RNGTT: variants seen among roughly 807,000 people sequenced by gnomAD.
The protein encoded by RNGTT is RNA guanylyltransferase and 5'-phosphatase, also known as mRNA-capping enzyme.
Under a neutral mutation model 79.3 loss-of-function variants are expected in RNGTT, and 33 were observed. That is an observed-to-expected ratio of 0.42 (90% CI 0.32 to 0.56). The LOEUF (loss-of-function observed/expected upper bound fraction) is 0.56, where lower values mean the gene tolerates loss of function less well. Among genes scored for constraint, RNGTT ranks in the 20% least tolerant of loss-of-function variants. The pLI, the probability that RNGTT is intolerant of heterozygous loss-of-function variation, is 0.17. For synonymous variants in RNGTT, 222 were observed against 235.9 expected (o/e 0.94, Z 0.54); for missense variants, 497 against 739.1 (o/e 0.67, Z 3.80).
intron 4 of RNGTT, among the ~76,000 whole-genome samples, chr6:88,911,699 C>T (rs979592709): frequency 1.3e-5 from 2 of 152,048 alleles, no homozygotes; most frequent in African/African-American, 4.8e-5. Context: ...TTCTTTGAAA[C>T]AAATGAAAGC....
chr6:88,902,224 C>T (rs1216009487), intron 6 of RNGTT, among the ~76,000 whole-genome samples: 2 of 151,668 alleles, frequency 1.3e-5, no homozygotes, highest in Admixed American at 6.6e-5. Context: ...AAGGTCTCAT[C>T]ATGGGGTTTA....
intron 8 of RNGTT, among the ~76,000 whole-genome samples, chr6:88,861,593 G>A (rs62428981): frequency 0.096 from 14,529 of 151,974 alleles, 892 homozygotes; most frequent in Middle Eastern, 0.21. Context: ...AAGAAAAAAC[G>A]TATTTCTCCT....
intron 11 of RNGTT, among the ~76,000 whole-genome samples, chr6:88,810,959 C>G (rs1472209094): frequency 6.6e-6 from 1 of 152,130 alleles, no homozygotes; most frequent in Non-Finnish European, 1.5e-5. Context: ...GCCAATGTGC[C>G]TAAATAATAC....
intron 1 of RNGTT, among the ~76,000 whole-genome samples, chr6:88,956,926 A>C (rs1785451867): frequency 6.6e-6 from 1 of 152,088 alleles, no homozygotes; most frequent in Non-Finnish European, 1.5e-5. Context: ...CCAGCTACTC[A>C]GGAGGCTGAG....
At chr6:88,921,567 C>A (rs1784166406) in intron 4 of RNGTT, among the ~76,000 whole-genome samples, 1 of 152,026 alleles carries the variant, frequency 6.6e-6, no homozygotes, top group Admixed American at 6.6e-5. Flanking sequence ...TTTTACCATA[C>A]TGTTAGCTTC....
chr6:88,894,528 C>T (rs138455629), intron 6 of RNGTT, among the ~76,000 whole-genome samples: 1 of 152,268 alleles, frequency 6.6e-6, no homozygotes, highest in African/African-American at 2.4e-5. Context: ...TTGTAGCTTC[C>T]TCTGCCCCAT....
In RNGTT at chr6:88,714,688, C is replaced by T. The variant is rs1468211382; in HGVS notation, c.1440-36269G>A. On this transcript the variant is annotated intron_variant, in intron 13 of 15. Transcript: ENST00000369485. ...CGATCTCCTGACCTCGTGATCCGCC[C>T]GCCTCGGCCTCCCAAAGTGCTGGGA... Among the ~76,000 whole-genome samples the T allele has an allele frequency of 4.5e-5, 4 of 89,838 alleles. 2 individuals carry two copies. The highest frequency in any genetic ancestry group is 3.4e-4 in the African/African-American group (2 of 5,848). The allele number at this position is 89,838 out of a possible 152,430, so 58.9% of individuals were successfully genotyped here. A position where few individuals can be genotyped will look rare whatever the true frequency, so the allele number is the denominator to read the frequency against.
intron 14 of RNGTT, among the ~76,000 whole-genome samples, chr6:88,648,040 G>C (rs1040739845): frequency 1.3e-5 from 2 of 152,130 alleles, no homozygotes; most frequent in African/African-American, 4.8e-5. Context: ...AGCTCAACTT[G>C]AGCAGTAACA....
chr6:88,736,883 T>C (rs1777305986), intron 13 of RNGTT, among the ~76,000 whole-genome samples: 1 of 152,138 alleles, frequency 6.6e-6, no homozygotes, highest in African/African-American at 2.4e-5. Flanking sequence ...CCAAATGTGA[T>C]TTAGAGATCA....
At chr6:88,654,414 C>T (rs1773903764) in intron 14 of RNGTT, among the ~76,000 whole-genome samples, 1 of 152,124 alleles carries the variant, frequency 6.6e-6, no homozygotes. Flanking sequence ...ATTTTTTCAT[C>T]TAAGGAAGAT....
chr6:88,798,427 T>C (rs1401403930), intron 12 of RNGTT, among the ~76,000 whole-genome samples: 1 of 150,442 alleles, frequency 6.6e-6, no homozygotes, highest in Non-Finnish European at 1.5e-5. Flanking sequence ...TTTGTGCCAC[T>C]GCACACCAGC....
chr6:88,880,156 A>G (rs1782650005), intron 8 of RNGTT, among the ~76,000 whole-genome samples: 1 of 151,436 alleles, frequency 6.6e-6, no homozygotes, highest in Non-Finnish European at 1.5e-5. Context: ...CTAGGGGTAA[A>G]TAAGTTTCCA....
chr6:88,615,845 A>T (rs890714338), intron 14 of RNGTT, among the ~76,000 whole-genome samples: 1 of 152,234 alleles, frequency 6.6e-6, no homozygotes, highest in African/African-American at 2.4e-5. Context: ...AAATTAGGCA[A>T]TGAAACATTG....
chr6:88,817,094 C>T (rs1780336209), intron 11 of RNGTT, among the ~76,000 whole-genome samples: 1 of 152,124 alleles, frequency 6.6e-6, no homozygotes, highest in Non-Finnish European at 1.5e-5. Context: ...ACAACGGTGG[C>T]ACCTTGTACA....
chr6:88,801,319 A>T (rs1299314021), intron 12 of RNGTT, among the ~76,000 whole-genome samples: 1 of 152,224 alleles, frequency 6.6e-6, no homozygotes, highest in Non-Finnish European at 1.5e-5. Context: ...ACGACCAAAA[A>T]TGCTTATTTC....
At chr6:88,752,113 A>G (rs1460388671) in intron 13 of RNGTT, among the ~76,000 whole-genome samples, 2 of 152,086 alleles carry the variant, frequency 1.3e-5, no homozygotes, top group African/African-American at 4.8e-5. Context: ...AGCTTTCTTC[A>G]TTTTATAATA....
At chr6:88,806,454 T>A (rs550398590) in intron 11 of RNGTT, among the ~76,000 whole-genome samples, 6 of 151,490 alleles carry the variant, frequency 4.0e-5, no homozygotes, top group Non-Finnish European at 8.8e-5. Flanking sequence ...AGTAGCTAGA[T>A]TACAGGCGCG....
At chr6:88,853,365 C>T (rs958302688) in intron 9 of RNGTT, among the ~76,000 whole-genome samples, 5 of 152,042 alleles carry the variant, frequency 3.3e-5, no homozygotes, top group Non-Finnish European at 4.4e-5. Flanking sequence ...ATTAGCCGGG[C>T]GTGGTGGCAC....
intron 6 of RNGTT, among the ~76,000 whole-genome samples, 173 bp from the exon 7 acceptor site, chr6:88,892,088 G>C (rs765634651): frequency 6.6e-6 from 1 of 151,986 alleles, no homozygotes; most frequent in Non-Finnish European, 1.5e-5. Flanking sequence ...TTGTACACTA[G>C]TTTTCCTAAA....
Sources: gnomAD v4.1 joint callset for allele counts (sites outside exome capture counted in the v4.1 genomes callset) on GRCh38, gnomAD v4.1.1 for gene constraint, MANE v1.5 for transcripts, NCBI Gene and HGNC (gene_info 2026-07-23, HGNC 2026-07-21) for gene names.